The following NEBL variants were observed in gnomAD, a reference collection of about 807,000 sequenced individuals.
NEBL encodes nebulette, also known as LIM and SH3 protein 2.
In NEBL, 122 loss-of-function variants were observed where a neutral mutation model predicts 140.2. The observed-to-expected ratio is 0.87, with a 90% confidence interval of 0.75 to 1.01. The LOEUF (loss-of-function observed/expected upper bound fraction) is 1.01. NEBL is among the 50% of genes least tolerant of loss of function. NEBL has a pLI of 0.00. For missense variants in NEBL, 1,365 were observed against 1,231.3 expected, an observed-to-expected ratio of 1.11 and a Z score of -1.62; for synonymous variants, 436 against 398.9, an observed-to-expected ratio of 1.09 and a Z score of -1.11.
chr10:21,122,456 A>T (rs1195856700), intron 2 of NEBL, among the ~76,000 whole-genome samples: 1 of 151,760 alleles, frequency 6.6e-6, no homozygotes, highest in African/African-American at 2.4e-5. Context: ...TCTCCTCCAT[A>T]CTTGCTTTGC....
chr10:21,056,516 A>G (rs1482714102), intron 2 of NEBL, among the ~76,000 whole-genome samples: 1 of 152,224 alleles, frequency 6.6e-6, no homozygotes. Flanking sequence ...ATTTTAGTAC[A>G]ACCATTTTGA....
At chr10:20,900,267 A>G (rs1847804183), upstream of NEBL, among the ~76,000 whole-genome samples, 1 of 152,236 alleles carries the variant, frequency 6.6e-6, no homozygotes, top group African/African-American at 2.4e-5. Context: ...ACTTATGGCT[A>G]AACTCTCAAA....
intron 2 of NEBL, among the ~76,000 whole-genome samples, chr10:21,103,932 A>C (rs1158181255): frequency 1.3e-5 from 2 of 152,156 alleles, no homozygotes; most frequent in Non-Finnish European, 2.9e-5. Context: ...CTTACATTTA[A>C]GTTTATGATA....
chr10:20,891,602 G>C (rs1234045435), intron 2 of NEBL, among the ~76,000 whole-genome samples: 1 of 152,188 alleles, frequency 6.6e-6, no homozygotes, highest in Admixed American at 6.5e-5. Context: ...GAACGTTCAG[G>C]ACAGGAGGAC....
At chr10:21,037,033 C>T (rs935177978) in intron 2 of NEBL, among the ~76,000 whole-genome samples, 1 of 152,134 alleles carries the variant, frequency 6.6e-6, no homozygotes, top group Non-Finnish European at 1.5e-5. Context: ...TCTGTTGACA[C>T]CCCTGGCCAC....
chr10:21,269,017 C>T (rs576472278), intron 1 of NEBL, among the ~76,000 whole-genome samples: 4 of 152,254 alleles, frequency 2.6e-5, no homozygotes, highest in East Asian at 3.9e-4. Context: ...GACTGATCAT[C>T]GCATCTCCAT....
chr10:21,093,127 CT>C (rs1425514685), intron 2 of NEBL, among the ~76,000 whole-genome samples: 3 of 97,058 alleles, frequency 3.1e-5, no homozygotes, highest in Non-Finnish European at 6.7e-5. Context: ...TTTAAGAGTA[CT>C]TTTATTCATT....
At chr10:21,204,154 C>T (rs571415372) in intron 3 of NEBL, among the ~76,000 whole-genome samples, 1 of 152,292 alleles carries the variant, frequency 6.6e-6, no homozygotes, top group African/African-American at 2.4e-5. Context: ...AGCACCTGAA[C>T]TTCAGTCCTA....
rs144009531 is a variant in NEBL, at chr10:21,074,697, C to T, written c.165-54496G>A. ...GTTTCACTGTGTTAGCCAGGATGAT[C>T]TTGATCTCCTGACCTCATGATCCGC... On this transcript the variant is annotated intron_variant, in intron 2 of 6. Coordinates refer to the NEBL transcript ENST00000417816. Among the ~76,000 whole-genome samples the T allele has an allele frequency of 6.8e-3, 1,040 of 152,202 alleles. 10 individuals carry two copies. Among genetic ancestry groups the T allele is most frequent in the African/African-American group, 0.023 (956 of 41,528 alleles).
chr10:21,111,627 C>G (rs1347771496), intron 2 of NEBL, among the ~76,000 whole-genome samples: 1 of 150,606 alleles, frequency 6.6e-6, no homozygotes, highest in East Asian at 1.9e-4. Flanking sequence ...GACCTGAAAC[C>G]ATAAAAATCC....
chr10:20,913,379 CTCTAT>C (rs1848411100), intron 4 of NEBL, among the ~76,000 whole-genome samples: 1 of 152,162 alleles, frequency 6.6e-6, no homozygotes, highest in African/African-American at 2.4e-5. Flanking sequence ...CAAAGAAAAA[CTCTAT>C]TCTGTTTCTT....
intron 1 of NEBL, among the ~76,000 whole-genome samples, chr10:21,260,557 T>A (rs1484812545): frequency 6.6e-6 from 1 of 152,204 alleles, no homozygotes; most frequent in African/African-American, 2.4e-5. Flanking sequence ...GTTCAAGTAT[T>A]TGGTATATTG....
chr10:21,137,191 A>G (rs1372426104), intron 2 of NEBL, among the ~76,000 whole-genome samples: 1 of 152,200 alleles, frequency 6.6e-6, no homozygotes, highest in Non-Finnish European at 1.5e-5. Flanking sequence ...TACTTGTAAA[A>G]GTGGAGATAA....
intron 2 of NEBL, chr10:21,126,287 T>A: frequency 4.6e-6 from 3 of 656,258 alleles, no homozygotes; most frequent in Non-Finnish European, 7.8e-6. Context: ...ATTACAGCCT[T>A]AAGTATAGAA....
At chr10:21,194,930 A>G (rs1357911375) in intron 3 of NEBL, among the ~76,000 whole-genome samples, 3 of 151,774 alleles carry the variant, frequency 2.0e-5, no homozygotes, top group African/African-American at 7.3e-5. Context: ...AGATCAAGGG[A>G]AAAATGGGTA....
chr10:20,816,896 G>A (rs1838769970), intron 21 of NEBL, among the ~76,000 whole-genome samples: 1 of 152,098 alleles, frequency 6.6e-6, no homozygotes, highest in Admixed American at 6.5e-5. Context: ...CCCAAAAATG[G>A]AGTCATGATT....
intron 11 of NEBL, among the ~76,000 whole-genome samples, chr10:20,848,360 C>T (rs1842151335): frequency 6.6e-6 from 1 of 152,156 alleles, no homozygotes; most frequent in East Asian, 1.9e-4. Flanking sequence ...TCACTAGTAT[C>T]AATTCACTTG....
At chr10:21,082,494 C>G (rs1366081646) in intron 2 of NEBL, among the ~76,000 whole-genome samples, 3 of 135,958 alleles carry the variant, frequency 2.2e-5, no homozygotes, top group Non-Finnish European at 4.6e-5. Context: ...TTGTAGTGTA[C>G]TGAAAATTTT....
chr10:21,002,891 T>C (rs1837965218), intron 3 of NEBL, among the ~76,000 whole-genome samples: 1 of 151,968 alleles, frequency 6.6e-6, no homozygotes, highest in Admixed American at 6.6e-5. Flanking sequence ...TATCATCAAT[T>C]AGTGAGGTCT....
Sources: allele counts gnomAD v4.1 joint callset (sites outside exome capture counted in the v4.1 genomes callset), GRCh38; gene constraint gnomAD v4.1.1; transcripts MANE v1.5; gene names NCBI Gene and HGNC (gene_info 2026-07-23, HGNC 2026-07-21).